CTNNBL1: variants seen among roughly 807,000 people sequenced by gnomAD.
CTNNBL1 encodes the protein catenin beta like 1, also known as beta-catenin-like protein 1.
A neutral mutation model predicts 72.7 loss-of-function variants in CTNNBL1; 31 were observed. The observed-to-expected ratio is 0.43, with a 90% CI of 0.32 to 0.58. CTNNBL1 has a LOEUF of 0.58. Among genes scored for constraint, CTNNBL1 ranks in the 20% least tolerant of loss-of-function variants. The pLI, the probability that CTNNBL1 is intolerant of heterozygous loss-of-function variation, is 0.08. For missense variants in CTNNBL1, 534 were observed against 725.1 expected, an observed-to-expected ratio of 0.74 and a Z score of 3.03; for synonymous variants, 240 against 267.3, an observed-to-expected ratio of 0.90 and a Z score of 1.00.
chr20:37,750,994 A>G (rs2073314669), intron 4 of CTNNBL1: 1 of 152,112 alleles, frequency 6.6e-6, no homozygotes, highest in Non-Finnish European at 1.5e-5. Flanking sequence ...CTTTTGACAG[A>G]CATGGAGATT....
intron 1 of CTNNBL1, among the ~76,000 whole-genome samples, chr20:37,709,857 CTT>C (rs1195792712): frequency 6.6e-6 from 1 of 152,184 alleles, no homozygotes; most frequent in African/African-American, 2.4e-5. Flanking sequence ...TCTCTGGTGT[CTT>C]TGGAAAATGT....
chr20:37,790,787 C>G (rs533130764), intron 10 of CTNNBL1, among the ~76,000 whole-genome samples: 1 of 152,158 alleles, frequency 6.6e-6, no homozygotes, highest in South Asian at 2.1e-4. Flanking sequence ...TTAAATCGCA[C>G]ATATTTAAAG....
chr20:37,752,123 T>A (rs2073324580), intron 4 of CTNNBL1, among the ~76,000 whole-genome samples: 1 of 152,364 alleles, frequency 6.6e-6, no homozygotes, highest in Middle Eastern at 3.4e-3. Flanking sequence ...TGGTCTTGTT[T>A]ATGGGTTTTA....
intron 13 of CTNNBL1, among the ~76,000 whole-genome samples, chr20:37,846,978 G>A (rs187812729): frequency 6.6e-6 from 1 of 152,136 alleles, no homozygotes; most frequent in African/African-American, 2.4e-5. Flanking sequence ...TCAGGACAGC[G>A]TGCCTCACAT....
intron 1 of CTNNBL1, among the ~76,000 whole-genome samples, chr20:37,701,185 A>G (rs928682558): frequency 6.6e-6 from 1 of 152,174 alleles, no homozygotes; most frequent in African/African-American, 2.4e-5. Flanking sequence ...CTGTGTTTCT[A>G]CATCTCCTTC....
intron 15 of CTNNBL1, among the ~76,000 whole-genome samples, chr20:37,866,257 G>A (rs888533614): frequency 4.6e-5 from 7 of 152,248 alleles, no homozygotes; most frequent in South Asian, 2.1e-4. Flanking sequence ...CTCACACCCA[G>A]TTCACCCAAG....
rs749309761 is a variant in CTNNBL1 at position 37,802,888 on chromosome 20, C to T, written c.1053C>T (p.Ser351=). 1.2e-5 allele frequency: 19 copies of T among 1,613,320 alleles called. No individual in the cohort carries two copies. The highest frequency in any genetic ancestry group is 1.5e-5 in the Non-Finnish European group (18 of 1,179,616). The change falls in exon 11 of 16, where the codon AGC becomes AGT. Residue 351 remains serine, a synonymous_variant. Transcript: ENST00000361383. ...ACAGGGAAAAGAAGATCTCCCGGAG[C>T]AGTGCCCTGAAAGTGCTGGACCATG... The part of the protein sequence containing the change: ...LMLREKKISR[S]SALKVLDHAM...
chr20:37,714,727 C>T (rs992878988), intron 1 of CTNNBL1, among the ~76,000 whole-genome samples: 2 of 152,216 alleles, frequency 1.3e-5, no homozygotes, highest in Non-Finnish European at 2.9e-5. Flanking sequence ...TACAGAACAA[C>T]CAAATTAGGT....
intron 4 of CTNNBL1, chr20:37,751,143 T>C (rs2073316261): frequency 6.6e-6 from 1 of 152,018 alleles, no homozygotes; most frequent in African/African-American, 2.4e-5. Context: ...ATCGGGTCCA[T>C]GGCTTAATTA....
intron 15 of CTNNBL1, among the ~76,000 whole-genome samples, chr20:37,861,875 T>A (rs1485885827): frequency 6.6e-6 from 1 of 152,188 alleles, no homozygotes; most frequent in African/African-American, 2.4e-5. Flanking sequence ...AAGTGAGGCA[T>A]GGCCAAAATC....
chr20:37,800,268 A>T (rs1387405396), intron 10 of CTNNBL1, among the ~76,000 whole-genome samples: 1 of 152,208 alleles, frequency 6.6e-6, no homozygotes, highest in East Asian at 1.9e-4. Context: ...TTTGGTCTCC[A>T]CATCACCATT....
intron 11 of CTNNBL1, among the ~76,000 whole-genome samples, chr20:37,830,353 T>C (rs1458410849): frequency 6.6e-6 from 1 of 152,238 alleles, no homozygotes; most frequent in Non-Finnish European, 1.5e-5. Context: ...GAACGAGTCC[T>C]GTGCCAAAGA....
chr20:37,764,376 C>T (rs1486272425), intron 5 of CTNNBL1, among the ~76,000 whole-genome samples: 1 of 152,142 alleles, frequency 6.6e-6, no homozygotes, highest in African/African-American at 2.4e-5. Flanking sequence ...GGGCAGTCTC[C>T]TTAGAACACA....
chr20:37,854,875 C>T (rs1026127300), intron 13 of CTNNBL1, among the ~76,000 whole-genome samples: 15 of 151,918 alleles, frequency 9.9e-5, no homozygotes, highest in African/African-American at 3.6e-4. Context: ...ACGTGTGAGC[C>T]ACAGCGCCTG....
chr20:37,761,998 G>C (rs1390365701), intron 5 of CTNNBL1, among the ~76,000 whole-genome samples: 1 of 152,222 alleles, frequency 6.6e-6, no homozygotes, highest in Non-Finnish European at 1.5e-5. Context: ...GTGGGCCTTG[G>C]TGAAGAGGTT....
chr20:37,700,346 T>C (rs141483121), intron 1 of CTNNBL1, among the ~76,000 whole-genome samples: 249 of 152,368 alleles, frequency 1.6e-3, no homozygotes, highest in Non-Finnish European at 2.5e-3. Flanking sequence ...AAGAAATGTT[T>C]ATTAAAAGTA....
intron 1 of CTNNBL1, among the ~76,000 whole-genome samples, chr20:37,725,319 G>C (rs1485583924): frequency 2.0e-5 from 3 of 151,344 alleles, no homozygotes; most frequent in Non-Finnish European, 4.4e-5. Flanking sequence ...TTTTGAGGCG[G>C]AGTTTCACTC....
intron 15 of CTNNBL1, among the ~76,000 whole-genome samples, chr20:37,866,011 C>A (rs1020587480): frequency 1.3e-5 from 2 of 152,194 alleles, no homozygotes; most frequent in African/African-American, 4.8e-5. Flanking sequence ...GATTTTAAAG[C>A]TGCAGAGGCT....
chr20:37,705,010 A>G (rs1360272101), intron 1 of CTNNBL1, among the ~76,000 whole-genome samples: 1 of 152,236 alleles, frequency 6.6e-6, no homozygotes, highest in Non-Finnish European at 1.5e-5. Flanking sequence ...CAATTAGAGA[A>G]GTTTTCGTAT....
Sources: allele counts gnomAD v4.1 joint callset (sites outside exome capture counted in the v4.1 genomes callset), GRCh38; gene constraint gnomAD v4.1.1; transcripts MANE v1.5; gene names NCBI Gene and HGNC (gene_info 2026-07-23, HGNC 2026-07-21).